The following KAZN variants were observed in gnomAD, a reference collection of about 807,000 sequenced individuals.
KAZN encodes the protein kazrin.
A neutral mutation model predicts 87.4 loss-of-function variants in KAZN; 40 were observed. That is an observed-to-expected ratio of 0.46 (90% CI 0.36 to 0.60). KAZN has a LOEUF of 0.60. KAZN is among the 20% of genes least tolerant of loss of function. The pLI, the probability that KAZN is intolerant of heterozygous loss-of-function variation, is 0.00. For missense variants in KAZN, 898 were observed against 1,073.9 expected (o/e 0.84, Z 2.29); for synonymous variants, 466 against 458.3 (o/e 1.02, Z -0.22).
chr1:14,855,320 G>C (rs1649959789), intron 1 of KAZN, among the ~76,000 whole-genome samples: 1 of 152,164 alleles, frequency 6.6e-6, no homozygotes, highest in Non-Finnish European at 1.5e-5. Flanking sequence ...TGCTGATAAG[G>C]AGTTTCTAAG....
chr1:14,177,297 T>G (rs1255125185), intron 1 of KAZN, among the ~76,000 whole-genome samples: 1 of 129,596 alleles, frequency 7.7e-6, no homozygotes, highest in Non-Finnish European at 1.6e-5. Flanking sequence ...ATCTTTTAAA[T>G]GAATTAAAAG....
At chr1:14,766,227 G>A (rs551184143) in intron 1 of KAZN, among the ~76,000 whole-genome samples, 3 of 152,290 alleles carry the variant, frequency 2.0e-5, no homozygotes, top group Admixed American at 6.5e-5. Context: ...GAGGGTCAAA[G>A]GAGCTGGGGT....
chr1:14,540,235 G>A (rs910154498), intron 2 of KAZN, among the ~76,000 whole-genome samples: 1 of 152,112 alleles, frequency 6.6e-6, no homozygotes, highest in African/African-American at 2.4e-5. Context: ...GAGACCATAC[G>A]GTGACACTGG....
chr1:14,040,064 C>T (rs576581091), intron 1 of KAZN, among the ~76,000 whole-genome samples: 5 of 149,086 alleles, frequency 3.4e-5, no homozygotes, highest in South Asian at 4.3e-4. Context: ...TGTGTGTGCA[C>T]GTGTGTGTGT....
At chr1:14,050,117 T>G (rs1381820329) in intron 1 of KAZN, among the ~76,000 whole-genome samples, 1 of 92,814 alleles carries the variant, frequency 1.1e-5, no homozygotes, top group Non-Finnish European at 2.4e-5. Context: ...CACATGTGTG[T>G]GGGCATGCAT....
At chr1:14,470,383 G>A (rs1412812712) in intron 2 of KAZN, among the ~76,000 whole-genome samples, 1 of 152,116 alleles carries the variant, frequency 6.6e-6, no homozygotes. Context: ...TTAGACCAGG[G>A]CACAAGAAAG....
At position 14,257,960 on chromosome 1, in the gene KAZN, A is replaced by T. The variant is rs1434422317; in HGVS notation, c.249+77368A>T. Reference sequence around the variant, plus strand: ...GAGTATAATAAAAAAAAAAAACATTAAAAAAAAAAAAAGAGAAAAAAAAAA... The same window carrying T: ...GAGTATAATAAAAAAAAAAAACATTTAAAAAAAAAAAAGAGAAAAAAAAAA... On this transcript the variant is annotated intron_variant, in intron 2 of 16. Transcript: ENST00000636203. 1.3e-4 allele frequency among the ~76,000 whole-genome samples: 9 copies of T among 69,098 alleles called. 1 individual carries two copies. In the South Asian group the frequency reaches 2.7e-3, roughly 21 times the overall value. The allele number at this position is 69,098 out of a possible 152,430, so 45.3% of individuals were successfully genotyped here. A position where few individuals can be genotyped will look rare whatever the true frequency, so the allele number is the denominator to read the frequency against.
At chr1:14,984,870 A>G (rs1666611924) in intron 2 of KAZN, among the ~76,000 whole-genome samples, 1 of 152,162 alleles carries the variant, frequency 6.6e-6, no homozygotes, top group Non-Finnish European at 1.5e-5. Context: ...CAAGGGGGAA[A>G]GGAGGGCCTG....
chr1:14,453,987 G>A (rs929456400), intron 2 of KAZN, among the ~76,000 whole-genome samples: 2 of 151,984 alleles, frequency 1.3e-5, no homozygotes, highest in African/African-American at 4.8e-5. Flanking sequence ...AACTTTTACA[G>A]CATGTATTTT....
intron 1 of KAZN, among the ~76,000 whole-genome samples, chr1:13,932,258 A>ATTTT (rs1553175095): frequency 2.3e-5 from 1 of 43,124 alleles, no homozygotes; most frequent in African/African-American, 8.1e-5. Flanking sequence ...CTTATTAAAC[A>ATTTT]TTTTTTTTTT....
chr1:14,453,610 C>A (rs1233537374), intron 2 of KAZN, among the ~76,000 whole-genome samples: 2 of 152,028 alleles, frequency 1.3e-5, no homozygotes, highest in African/African-American at 4.8e-5. Flanking sequence ...CCAAGGTGGG[C>A]GGATCACTTG....
chr1:14,169,655 G>C (rs1645909548), intron 1 of KAZN, among the ~76,000 whole-genome samples: 1 of 152,226 alleles, frequency 6.6e-6, no homozygotes, highest in African/African-American at 2.4e-5. Context: ...GTCACAACTA[G>C]ACCTGCTGGA....
At chr1:14,491,107 C>T (rs1056927552) in intron 2 of KAZN, among the ~76,000 whole-genome samples, 3 of 152,172 alleles carry the variant, frequency 2.0e-5, no homozygotes, top group Admixed American at 1.3e-4. Context: ...TCATGTCGAT[C>T]CTACTCATTC....
intron 1 of KAZN, among the ~76,000 whole-genome samples, chr1:14,709,804 G>A (rs1269387853): frequency 2.0e-5 from 3 of 152,216 alleles, no homozygotes; most frequent in Non-Finnish European, 4.4e-5. Context: ...ACCTGTGTGA[G>A]TGTCACCAGG....
At chr1:15,004,439 C>T (rs1478264715) in intron 2 of KAZN, among the ~76,000 whole-genome samples, 1 of 152,358 alleles carries the variant, frequency 6.6e-6, no homozygotes, top group South Asian at 2.1e-4. Flanking sequence ...AGCTTTGCTA[C>T]TTTCTAGCTG....
At chr1:15,079,980 C>T (rs564310733) in intron 8 of KAZN, among the ~76,000 whole-genome samples, 2 of 152,322 alleles carry the variant, frequency 1.3e-5, no homozygotes, top group East Asian at 1.9e-4. Context: ...TAGCAGCTTC[C>T]TCCTAAGTGC....
intron 2 of KAZN, among the ~76,000 whole-genome samples, chr1:14,492,323 A>G (rs1669692951): frequency 6.6e-6 from 1 of 151,900 alleles, no homozygotes; most frequent in African/African-American, 2.4e-5. Flanking sequence ...TGAATTGAGG[A>G]GCCTTGCTTC....
intron 2 of KAZN, among the ~76,000 whole-genome samples, chr1:14,321,190 T>A (rs1475886111): frequency 6.6e-6 from 1 of 152,138 alleles, no homozygotes; most frequent in Non-Finnish European, 1.5e-5. Context: ...CAAAATTTGG[T>A]TTGTCAAGGT....
chr1:14,683,068 G>A (rs921727952), intron 1 of KAZN, among the ~76,000 whole-genome samples: 1 of 152,182 alleles, frequency 6.6e-6, no homozygotes, highest in African/African-American at 2.4e-5. Context: ...TTCCCTATCA[G>A]ATATGAGAGG....
Sources: gnomAD v4.1 joint callset for allele counts (sites outside exome capture counted in the v4.1 genomes callset) on GRCh38, gnomAD v4.1.1 for gene constraint, MANE v1.5 for transcripts, NCBI Gene and HGNC (gene_info 2026-07-23, HGNC 2026-07-21) for gene names.